CLCN3: variants seen among roughly 807,000 people sequenced by gnomAD.
CLCN3 encodes H(+)/Cl(-) exchange transporter 3.
In CLCN3, 16 loss-of-function variants were observed where a neutral mutation model predicts 83.4. The ratio of observed to expected loss-of-function variants is 0.19; its 90% CI spans 0.13 to 0.29. The LOEUF (loss-of-function observed/expected upper bound fraction) is 0.29. Ranked by LOEUF, CLCN3 falls within the 10% of genes least tolerant of loss-of-function variation. The pLI, the probability that CLCN3 is intolerant of heterozygous loss-of-function variation, is 1.00. For missense variants in CLCN3, 544 were observed against 1,006.0 expected (o/e 0.54, Z 6.21); for synonymous variants, 322 against 346.2 (o/e 0.93, Z 0.78).
chr4:169,666,116 T>C (rs1731235977), intron 2 of CLCN3, among the ~76,000 whole-genome samples: 1 of 152,122 alleles, frequency 6.6e-6, no homozygotes, highest in Non-Finnish European at 1.5e-5. Context: ...AAACTTCAAG[T>C]TTTAACATGT....
intron 2 of CLCN3, among the ~76,000 whole-genome samples, chr4:169,667,433 A>G (rs370322217): frequency 9.8e-4 from 149 of 152,270 alleles, no homozygotes; most frequent in African/African-American, 3.3e-3. Context: ...TGTATTCCAT[A>G]GGTATGCTTG....
At chr4:169,645,086 T>C (rs536954769) in intron 2 of CLCN3, among the ~76,000 whole-genome samples, 2 of 152,344 alleles carry the variant, frequency 1.3e-5, no homozygotes, top group African/African-American at 4.8e-5. Flanking sequence ...TGGCAGTGTG[T>C]TACGATAACA....
At chr4:169,665,417 A>G (rs150769653) in intron 2 of CLCN3, among the ~76,000 whole-genome samples, 355 of 152,204 alleles carry the variant, frequency 2.3e-3, no homozygotes, top group Non-Finnish European at 4.2e-3. Context: ...CTTTTTTGCT[A>G]TTTATTTACC....
intron 9 of CLCN3, among the ~76,000 whole-genome samples, chr4:169,701,322 A>G (rs1410482343): frequency 6.6e-6 from 1 of 152,320 alleles, no homozygotes; most frequent in East Asian, 1.9e-4. Flanking sequence ...GGCTACGCTT[A>G]TCATTCTAGT....
Position 169,720,031 on chromosome 4 carries a change from A to G in CLCN3, c.*34A>G. The stretch of plus-strand genomic sequence containing the variant: ...GATGAGGAGAGAGAAGAAACGGAAG[A>G]GGAAGTTTATTTGTTGAATAGCACA... On this transcript the variant is annotated 3_prime_UTR_variant, in exon 13 of 13. Coordinates refer to ENST00000513761, the MANE Select transcript of CLCN3 (RefSeq NM_001829.4). 6.2e-7 allele frequency: 1 copy of G among 1,613,504 alleles called. No homozygotes were observed. The highest frequency in any genetic ancestry group is 8.5e-7 in the Non-Finnish European group (1 of 1,179,710).
At chr4:169,662,211 G>T (rs1731080658) in intron 2 of CLCN3, among the ~76,000 whole-genome samples, 1 of 152,110 alleles carries the variant, frequency 6.6e-6, no homozygotes, top group Non-Finnish European at 1.5e-5. Context: ...AATCCTTTAA[G>T]AATCTTGCTT....
rs143911999 is a variant in CLCN3, at chr4:169,692,969, A to G, written c.936+649A>G. The stretch of plus-strand genomic sequence containing the variant: ...CTGATGTTTCCATATTGCTCTGGGC[A>G]TTTTCCTGAATCCTTTATATTAGCT... On this transcript the variant is annotated intron_variant, in intron 7 of 12. Transcript: ENST00000513761. 3.9e-5 allele frequency among the ~76,000 whole-genome samples: 6 copies of G among 152,192 alleles called. No individual in the cohort carries two copies. The East Asian group carries it at 1.2e-3, about 29-fold the overall frequency.
At chr4:169,690,777 T>A (rs558276886) in intron 6 of CLCN3, 125 bp downstream of exon 6, 286 of 780,972 alleles carry the variant, frequency 3.7e-4, no homozygotes, top group African/African-American at 3.5e-3. Flanking sequence ...GAAAAAAAAA[T>A]TTTTTTAAGT....
chr4:169,668,663 TA>T (rs1388170785), intron 2 of CLCN3, among the ~76,000 whole-genome samples: 1 of 152,140 alleles, frequency 6.6e-6, no homozygotes, highest in African/African-American at 2.4e-5. Context: ...AGCCAGGAGA[TA>T]GTAGAGTTAG....
At chr4:169,621,463 C>T (rs910616237) in intron 1 of CLCN3, among the ~76,000 whole-genome samples, 1 of 152,118 alleles carries the variant, frequency 6.6e-6, no homozygotes, top group Non-Finnish European at 1.5e-5. Context: ...TTAAACTTGA[C>T]CAGAAACTGC....
chr4:169,690,577 C>T lies in CLCN3; in HGVS notation c.654C>T (p.Ala218=). 2.5e-6 allele frequency: 4 copies of T among 1,613,762 alleles called. No homozygotes were observed. The highest frequency in any genetic ancestry group is 3.4e-6 in the Non-Finnish European group (4 of 1,179,714). The change falls in exon 6 of 13, where the codon GCC becomes GCT. Residue 218 remains alanine (A), a synonymous_variant. Transcript: ENST00000513761. The stretch of plus-strand genomic sequence containing the variant: ...ACTACATAATGTACATCTTCTGGGC[C>T]TTGAGTTTTGCCTTTCTTGCAGTTT... ...IMNYIMYIFW[A]LSFAFLAVSL... is the part of the protein sequence containing the mutation.
At chr4:169,632,480 A>G (rs1162062427) in intron 1 of CLCN3, among the ~76,000 whole-genome samples, 1 of 152,164 alleles carries the variant, frequency 6.6e-6, no homozygotes, top group Non-Finnish European at 1.5e-5. Flanking sequence ...CTGTAATACC[A>G]GCAATTTGGG....
chr4:169,689,538 A>G (rs993968924), intron 5 of CLCN3, among the ~76,000 whole-genome samples: 22 of 152,330 alleles, frequency 1.4e-4, no homozygotes, highest in African/African-American at 5.3e-4. Context: ...AAGTTATTAA[A>G]ACTAATATAT....
intron 1 of CLCN3, among the ~76,000 whole-genome samples, chr4:169,623,700 C>A (rs1239571980): frequency 1.3e-5 from 2 of 152,110 alleles, no homozygotes; most frequent in Non-Finnish European, 2.9e-5. Context: ...GACCACCATT[C>A]TGCTCTCTGC....
chr4:169,669,567 G>T (rs192708365), intron 2 of CLCN3, among the ~76,000 whole-genome samples: 1 of 152,192 alleles, frequency 6.6e-6, no homozygotes, highest in African/African-American at 2.4e-5. Flanking sequence ...AAATGTGCAT[G>T]TGCATTTAAT....
chr4:169,683,748 T>A (rs1415131662), intron 3 of CLCN3, among the ~76,000 whole-genome samples: 1 of 151,916 alleles, frequency 6.6e-6, no homozygotes, highest in Non-Finnish European at 1.5e-5. Context: ...AAATTAATTT[T>A]TTTTTTTTTT....
intron 1 of CLCN3, among the ~76,000 whole-genome samples, chr4:169,625,100 G>A (rs1388686998): frequency 2.0e-5 from 3 of 152,128 alleles, no homozygotes; most frequent in Admixed American, 6.5e-5. Flanking sequence ...CTCTTTTCAC[G>A]TTTCAATCTG....
intron 2 of CLCN3, among the ~76,000 whole-genome samples, chr4:169,671,978 G>A (rs941465325): frequency 6.6e-5 from 10 of 152,036 alleles, no homozygotes; most frequent in African/African-American, 1.2e-4. Context: ...TTGGGAGGCC[G>A]AGGCGGGCAG....
chr4:169,664,476 T>C (rs1346711699), intron 2 of CLCN3, among the ~76,000 whole-genome samples: 2 of 152,208 alleles, frequency 1.3e-5, no homozygotes, highest in Non-Finnish European at 1.5e-5. Context: ...CTTTGTAAAA[T>C]GATTTTAGGA....
Sources: gnomAD v4.1 joint callset for allele counts (sites outside exome capture counted in the v4.1 genomes callset) on GRCh38, gnomAD v4.1.1 for gene constraint, MANE v1.5 for transcripts, NCBI Gene and HGNC (gene_info 2026-07-23, HGNC 2026-07-21) for gene names.